NRG1: variants seen among roughly 807,000 people sequenced by gnomAD.
NRG1 encodes neuregulin 1, also known as pro-neuregulin-1, membrane-bound isoform.
A neutral mutation model predicts 63.8 loss-of-function variants in NRG1; 18 were observed. The ratio of observed to expected loss-of-function variants is 0.28; its 90% confidence interval spans 0.19 to 0.42. The LOEUF (loss-of-function observed/expected upper bound fraction) is 0.42, where lower values mean the gene tolerates loss of function less well. NRG1 is among the 10% of genes least tolerant of loss of function. The pLI, the probability that NRG1 is intolerant of heterozygous loss-of-function variation, is 1.00. For missense variants in NRG1, 762 were observed against 814.7 expected (o/e 0.94, Z 0.79); for synonymous variants, 302 against 301.3 (o/e 1.00, Z -0.02).
chr8:31,746,075 A>C (rs763999757), intron 1 of NRG1, among the ~76,000 whole-genome samples: 1 of 151,548 alleles, frequency 6.6e-6, no homozygotes, highest in Non-Finnish European at 1.5e-5. Context: ...AATCTTAAAG[A>C]CTTTTTTTTT....
At chr8:31,810,996 A>G (rs952759521) in intron 1 of NRG1, among the ~76,000 whole-genome samples, 1 of 152,132 alleles carries the variant, frequency 6.6e-6, no homozygotes, top group Admixed American at 6.5e-5. Context: ...GAATATCTTA[A>G]GCTTTATGGT....
chr8:32,275,990 T>A (rs1461137432), intron 1 of NRG1, among the ~76,000 whole-genome samples: 3 of 152,210 alleles, frequency 2.0e-5, no homozygotes, highest in African/African-American at 7.2e-5. Flanking sequence ...AATGATCAAA[T>A]CAGGGTAGTT....
chr8:31,888,897 A>G (rs967286957), intron 1 of NRG1, among the ~76,000 whole-genome samples: 1 of 152,156 alleles, frequency 6.6e-6, no homozygotes, highest in Non-Finnish European at 1.5e-5. Flanking sequence ...AATAAGGCAT[A>G]TTAGAAAACC....
At chr8:32,599,108 TGGCATGCTTA>T (rs1843869998) in intron 2 of NRG1, among the ~76,000 whole-genome samples, 1 of 152,142 alleles carries the variant, frequency 6.6e-6, no homozygotes, top group Admixed American at 6.6e-5. Flanking sequence ...CATAGGGCTC[TGGCATGCTTA>T]GGATAATGTC....
intron 1 of NRG1, among the ~76,000 whole-genome samples, chr8:31,699,490 A>G: frequency 6.6e-6 from 1 of 152,066 alleles, no homozygotes; most frequent in South Asian, 2.1e-4. Context: ...TTTCTTCCCA[A>G]TACTTTGATG....
At chr8:32,680,445 G>A (rs1808302559) in intron 5 of NRG1, among the ~76,000 whole-genome samples, 1 of 152,124 alleles carries the variant, frequency 6.6e-6, no homozygotes, top group Non-Finnish European at 1.5e-5. Context: ...AATTGATTCT[G>A]TATGCAACTT....
chr8:31,652,454 C>G (rs1216615806), intron 1 of NRG1, among the ~76,000 whole-genome samples: 1 of 152,110 alleles, frequency 6.6e-6, no homozygotes, highest in African/African-American at 2.4e-5. Flanking sequence ...AAACTCAGAC[C>G]CCTTTGAATG....
At chr8:32,406,682 A>G in intron 1 of NRG1, among the ~76,000 whole-genome samples, 2 of 152,282 alleles carry the variant, frequency 1.3e-5, no homozygotes, top group South Asian at 4.1e-4. Context: ...TTAATATTAT[A>G]TATACATAAG....
chr8:32,089,593 C>A (rs1346772752), intron 1 of NRG1, among the ~76,000 whole-genome samples: 1 of 152,022 alleles, frequency 6.6e-6, no homozygotes, highest in East Asian at 1.9e-4. Flanking sequence ...TCCTCTGTAG[C>A]AACATAAAGA....
intron 1 of NRG1, among the ~76,000 whole-genome samples, chr8:32,541,899 C>T (rs1380773694): frequency 6.6e-6 from 1 of 152,082 alleles, no homozygotes; most frequent in African/African-American, 2.4e-5. Flanking sequence ...CTGGGTGTCA[C>T]TTGATGAAAT....
intron 1 of NRG1, among the ~76,000 whole-genome samples, chr8:32,044,760 A>C (rs1250706056): frequency 6.6e-6 from 1 of 151,658 alleles, no homozygotes; most frequent in Non-Finnish European, 1.5e-5. Flanking sequence ...TTCAAACTGC[A>C]TAGAAATGAA....
chr8:32,381,786 T>A (rs1810390341), intron 1 of NRG1, among the ~76,000 whole-genome samples: 2 of 152,218 alleles, frequency 1.3e-5, no homozygotes, highest in African/African-American at 4.8e-5. Flanking sequence ...ATTATGACCC[T>A]GTTGAACTAT....
intron 1 of NRG1, among the ~76,000 whole-genome samples, chr8:31,860,036 C>T (rs1016259391): frequency 1.3e-5 from 2 of 152,190 alleles, no homozygotes; most frequent in African/African-American, 2.4e-5. Context: ...GGGGGCAAGA[C>T]ATGGATAGTT....
intron 7 of NRG1, chr8:32,748,627 C>T (rs1487426344): frequency 2.3e-6 from 1 of 443,156 alleles, no homozygotes; most frequent in Non-Finnish European, 4.5e-6. Flanking sequence ...CCTTTGAGTC[C>T]ACTTCCCTGG....
intron 5 of NRG1, among the ~76,000 whole-genome samples, chr8:32,700,854 C>T (rs1814676681): frequency 6.6e-6 from 1 of 152,052 alleles, no homozygotes; most frequent in South Asian, 2.1e-4. Context: ...CCCTTCATTT[C>T]CTCCCCTTTC....
intron 1 of NRG1, among the ~76,000 whole-genome samples, chr8:32,130,352 A>T (rs1362029439): frequency 6.6e-6 from 1 of 152,024 alleles, no homozygotes; most frequent in African/African-American, 2.4e-5. Flanking sequence ...AAATTCTCAG[A>T]TAAAGTATAT....
At chr8:32,349,945 GT>G (rs1805386856) in intron 1 of NRG1, among the ~76,000 whole-genome samples, 3 of 152,174 alleles carry the variant, frequency 2.0e-5, no homozygotes, top group African/African-American at 7.2e-5. Flanking sequence ...TGACGGGCAG[GT>G]CACCTCCTTT....
intron 1 of NRG1, among the ~76,000 whole-genome samples, chr8:31,648,203 G>C (rs56332915): frequency 0.076 from 9,717 of 127,946 alleles, 1,143 homozygotes; most frequent in African/African-American, 0.26. Context: ...GCGCGATCTC[G>C]ACTCACTGCA....
chr8:31,746,710 T>G (rs1815909306), intron 1 of NRG1, among the ~76,000 whole-genome samples: 1 of 151,962 alleles, frequency 6.6e-6, no homozygotes, highest in African/African-American at 2.4e-5. Context: ...TACGCTCTCA[T>G]GCGTGTTGCA....
Sources: allele counts gnomAD v4.1 joint callset (sites outside exome capture counted in the v4.1 genomes callset), GRCh38; gene constraint gnomAD v4.1.1; transcripts MANE v1.5; gene names NCBI Gene and HGNC (gene_info 2026-07-23, HGNC 2026-07-21).